SRCAP: variants seen among roughly 807,000 people sequenced by gnomAD.
The protein encoded by SRCAP is chromatin remodeling protein SRCAP.
SRCAP carries 46 observed loss-of-function variants against 263.1 expected under a neutral mutation model. The observed-to-expected ratio is 0.17, with a 90% confidence interval of 0.14 to 0.22. The LOEUF (loss-of-function observed/expected upper bound fraction) is 0.22. Ranked by LOEUF, SRCAP falls within the 10% of genes least tolerant of loss-of-function variation. The probability of loss-of-function intolerance (pLI) is 1.00; values close to 1 mark genes in which losing one functional copy is unlikely to be tolerated. For synonymous variants in SRCAP, 1,813 were observed against 1,662.1 expected (o/e 1.09, Z -2.21); for missense variants, 3,695 against 4,181.9 (o/e 0.88, Z 3.21).
chr16:30,721,992 C>A (rs542467771), intron 21 of SRCAP, 130 bp from the exon 22 acceptor site: 1 of 1,148,154 alleles, frequency 8.7e-7, no homozygotes, highest in Non-Finnish European at 1.2e-6. Flanking sequence ...TTTATTGGGA[C>A]ATGGTAAATT....
chr16:30,710,989 T>G lies in SRCAP; in HGVS notation c.1229-10T>G, dbSNP rs764522113. On this transcript the variant is annotated splice_polypyrimidine_tract_variant and intron_variant, in intron 9 of 33. Transcript: ENST00000262518. ...TATCCCTATTAATCTTGCTTCTGTC[T>G]CTTTCCTAGCGGAGGATGAAGAGGA... 3 of 1,613,106 alleles carry G rather than the reference T, an allele frequency of 1.9e-6. No individual in the cohort carries two copies. The highest frequency in any genetic ancestry group is 2.7e-5 in the African/African-American group (2 of 74,918).
Position 30,738,728 on chromosome 16 carries a change from T to C in SRCAP, c.8688T>C (p.Pro2896=), listed in dbSNP as rs2053187685. The change falls in exon 34 of 34, where the codon CCT becomes CCC. Residue 2896 remains proline, a synonymous_variant. Transcript: ENST00000262518. ...AAACCAATGGGGCTGACCCAGTCCCTGGGCCTGAGACCCTAATTGTTGCAG... is the reference window on the plus strand; with the variant it reads ...AAACCAATGGGGCTGACCCAGTCCCCGGGCCTGAGACCCTAATTGTTGCAG... ...KGKTNGADPV[P]GPETLIVADP... 6.2e-7 allele frequency: 1 copy of C among 1,613,990 alleles called. No individual in the cohort carries two copies. The highest frequency in any genetic ancestry group is 1.1e-5 in the South Asian group (1 of 91,074).
intron 9 of SRCAP, 33 bp downstream of exon 9, chr16:30,710,880 T>TA (rs750366893): frequency 1.2e-6 from 2 of 1,609,918 alleles, no homozygotes; most frequent in Non-Finnish European, 1.7e-6. Context: ...TATTGCCCCT[T>TA]ACCCCTTGAA....
intron 6 of SRCAP, among the ~76,000 whole-genome samples, chr16:30,709,293 A>G (rs1474904145): frequency 1.3e-5 from 2 of 151,554 alleles, no homozygotes; most frequent in African/African-American, 4.8e-5. Flanking sequence ...CCAGCTTCAG[A>G]TTGCAAACCT....
chr16:30,711,043 G>A lies in SRCAP; in HGVS notation c.1273G>A (p.Gly425Arg), dbSNP rs1307686375. 1.2e-6 allele frequency: 2 copies of A among 1,614,128 alleles called. No homozygotes were observed. The highest frequency in any genetic ancestry group is 1.7e-6 in the Non-Finnish European group (2 of 1,180,016). The change falls in exon 10 of 34, where the codon GGG becomes AGG. Residue 425 changes from glycine (G) to arginine (R), a missense_variant. Transcript: ENST00000262518. The stretch of plus-strand genomic sequence containing the variant: ...TATAGCAGCTGAGGAACAGTTGGAA[G>A]GGGAGGTGGATCATGCCATGGAGCT... ...DTIAAEEQLE[G>R]EVDHAMELSE...
chr16:30,712,211 C>G, intron 12 of SRCAP, 51 bp from the exon 13 acceptor site: 1 of 1,599,982 alleles, frequency 6.3e-7, no homozygotes. Flanking sequence ...CTCATGTCCC[C>G]ACAACAAATG....
Position 30,724,514 on chromosome 16 carries a change from C to A in SRCAP, c.5090C>A (p.Ser1697Tyr). Residue 1697 changes from serine to tyrosine, a missense_variant, in exon 25 of 34, where the codon TCT becomes TAT. Physicochemically the swap from Ser to Tyr is moderately radical, Grantham distance 144. Coordinates refer to ENST00000262518, the MANE Select transcript of SRCAP (RefSeq NM_006662.3). ...LAPTLGGSSP[S>Y]QTLSLGTGNP... ...CCCACTCTTGGAGGCTCATCTCCAT[C>A]TCAGACACTCTCTTTGGGAACGGGG... 1 of 1,614,222 alleles carries A rather than the reference C, an allele frequency of 6.2e-7. No homozygotes were observed. The highest frequency in any genetic ancestry group is 8.5e-7 in the Non-Finnish European group (1 of 1,180,038).
chr16:30,704,420 G>A, intron 4 of SRCAP, 105 bp downstream of exon 4: 1 of 1,409,796 alleles, frequency 7.1e-7, no homozygotes, highest in Non-Finnish European at 9.6e-7. Flanking sequence ...CATGGATTTA[G>A]GGTATAGGTT....
chr16:30,716,189 A>G lies in SRCAP; in HGVS notation c.2617A>G (p.Met873Val). The G allele has an allele frequency of 1.2e-6, 2 of 1,614,194 alleles. No individual in the cohort carries two copies. The highest frequency in any genetic ancestry group is 2.7e-5 in the African/African-American group (2 of 75,040). ...TCAACGCTGTCTCTATGATGACTTC[A>G]TGGCACAGACCACGTAAGGGAGGAA... ...KRQRCLYDDF[M>V]AQTTTKETLA... The change falls in exon 17 of 34, where the codon ATG (methionine) becomes GTG (valine). Residue 873 changes from methionine (M) to valine (V), a missense_variant. Coordinates refer to ENST00000262518, the MANE Select transcript of SRCAP (RefSeq NM_006662.3).
chr16:30,713,107 C>T (rs1339203227), intron 14 of SRCAP, 101 bp from the exon 15 acceptor site: 7 of 1,331,694 alleles, frequency 5.3e-6, no homozygotes, highest in Non-Finnish European at 7.3e-6. Flanking sequence ...TTTCTCTTTT[C>T]TTCCAACCTG....
chr16:30,703,351 G>A (rs897456030), intron 3 of SRCAP, among the ~76,000 whole-genome samples: 2 of 150,138 alleles, frequency 1.3e-5, no homozygotes, highest in Non-Finnish European at 3.0e-5. Context: ...CCGCCACCAC[G>A]CCCAGCTAAT....
Position 30,722,105 on chromosome 16 carries a change from G to A in SRCAP, c.3542-17G>A, listed in dbSNP as rs1374508000. 6 of 1,609,636 alleles carry A rather than the reference G, an allele frequency of 3.7e-6. No homozygotes were observed. Among genetic ancestry groups the A allele is most frequent in the Non-Finnish European group, 5.1e-6 (6 of 1,177,572 alleles). On this transcript the variant is annotated splice_polypyrimidine_tract_variant and intron_variant, in intron 21 of 33. Coordinates refer to ENST00000262518, the MANE Select transcript of SRCAP (RefSeq NM_006662.3). ...CAGGATGAGCCTTGTGTACAATAAG[G>A]CCTTCTCTGTTTTTAGCAGGCGAAG... is the stretch of plus-strand genomic sequence containing the variant.
chr16:30,726,079 A>C (rs867557170), intron 25 of SRCAP: 1 of 152,158 alleles, frequency 6.6e-6, no homozygotes, highest in Non-Finnish European at 1.5e-5. Context: ...AATGACTACC[A>C]TCCTACTTTT....
chr16:30,727,524 C>T (rs1364052553), intron 25 of SRCAP, among the ~76,000 whole-genome samples: 1 of 151,738 alleles, frequency 6.6e-6, no homozygotes, highest in African/African-American at 2.4e-5. Flanking sequence ...GTAGCTGGGA[C>T]TGTAGGCTTG....
In SRCAP at chr16:30,738,963, C is replaced by G. The variant is rs944632941; in HGVS notation, c.8923C>G (p.Leu2975Val). Residue 2975 changes from leucine (L) to valine (V), a missense_variant, in exon 34 of 34, where the codon CTA becomes GTA. Leu to Val is a conservative substitution (Grantham distance 32). Transcript: ENST00000262518. ...RTQPPPHPSP[L>V]TPLPPLLVCP... ...ACAGCCACCCCCACACCCATCACCC[C>G]TAACCCCACTCCCACCACTGCTAGT... 2 of 1,613,644 alleles carry G rather than the reference C, an allele frequency of 1.2e-6. No homozygotes were observed. Among genetic ancestry groups the G allele is most frequent in the Non-Finnish European group, 1.7e-6 (2 of 1,179,772 alleles).
At position 30,712,662 on chromosome 16, in the gene SRCAP, A is replaced by G; in HGVS notation, c.1994-17A>G. 6.2e-7 allele frequency: 1 copy of G among 1,613,734 alleles called. No homozygotes were observed. The highest frequency in any genetic ancestry group is 8.5e-7 in the Non-Finnish European group (1 of 1,179,836). ...AATTTACATTTCCTTACCATCTCTG[A>G]TTTTTTTGCCTAACAGGTAACTGGG... On this transcript the variant is annotated splice_polypyrimidine_tract_variant and intron_variant, in intron 13 of 33. Coordinates refer to ENST00000262518, the MANE Select transcript of SRCAP (RefSeq NM_006662.3).
In SRCAP at chr16:30,720,202, G is replaced by T; in HGVS notation, c.2858G>T (p.Gly953Val). The change falls in exon 19 of 34, where the codon GGT (glycine) becomes GTT (valine). Residue 953 changes from glycine (G) to valine (V), a missense_variant. By Grantham distance (109) the Gly-to-Val change is moderately radical. Transcript: ENST00000262518. Reference protein sequence around the residue: ...MGRFDLIGLEGRVSRYEADTF... With the variant: ...MGRFDLIGLEVRVSRYEADTF... ...CGATTTGACCTTATTGGCCTGGAAGGTCGTGTCTCTCGATATGAGGCAGAC... is the reference window on the plus strand; with the variant it reads ...CGATTTGACCTTATTGGCCTGGAAGTTCGTGTCTCTCGATATGAGGCAGAC... 6.2e-7 allele frequency: 1 copy of T among 1,613,864 alleles called. No individual in the cohort carries two copies. Among genetic ancestry groups the T allele is most frequent in the Non-Finnish European group, 8.5e-7 (1 of 1,179,736 alleles).
At chr16:30,720,686 A>G in intron 19 of SRCAP, 27 bp from the exon 20 acceptor site, 2 of 1,568,090 alleles carry the variant, frequency 1.3e-6, no homozygotes, top group Non-Finnish European at 1.7e-6. Context: ...TTCTGTCCCT[A>G]CCCACTCTCT....
rs1406316775 is a variant in SRCAP, at chr16:30,715,953, G to A, written c.2494-113G>A. ...CTTGCAGTTGACTCATCTTTGTGTG[G>A]TTGGTGTCTGATATGGTGTGCCGTA... On this transcript the variant is annotated intron_variant, in intron 16 of 33. Coordinates refer to ENST00000262518, the MANE Select transcript of SRCAP (RefSeq NM_006662.3). The A allele has an allele frequency of 2.2e-6, 3 of 1,370,896 alleles. No individual in the cohort carries two copies. In the South Asian group the frequency reaches 4.1e-5, roughly 19 times the overall value. 84.9% of individuals were successfully genotyped at this position (1,370,896 alleles called of 1,614,324 possible). A position where few individuals can be genotyped will look rare whatever the true frequency, so the allele number is the denominator to read the frequency against.
Sources: allele counts gnomAD v4.1 joint callset (sites outside exome capture counted in the v4.1 genomes callset), GRCh38; gene constraint gnomAD v4.1.1; transcripts MANE v1.5; gene names NCBI Gene and HGNC (gene_info 2026-07-23, HGNC 2026-07-21).